CFAP54: variants seen among roughly 807,000 people sequenced by gnomAD.
CFAP54 encodes cilia- and flagella-associated protein 54.
Under a neutral mutation model 370.4 loss-of-function variants are expected in CFAP54, and 290 were observed. That is an observed-to-expected ratio of 0.78 (90% CI 0.71 to 0.86). The LOEUF (loss-of-function observed/expected upper bound fraction) is 0.86, where lower values mean the gene tolerates loss of function less well. Ranked by LOEUF, CFAP54 falls within the 40% of genes least tolerant of loss-of-function variation. The pLI is 0.00. For synonymous variants in CFAP54, 1,206 were observed against 1,236.5 expected (o/e 0.98, Z 0.52); for missense variants, 3,399 against 3,528.7 (o/e 0.96, Z 0.93).
intron 49 of CFAP54, among the ~76,000 whole-genome samples, chr12:96,719,668 CT>C (rs1163045704): frequency 6.6e-6 from 1 of 152,242 alleles, no homozygotes; most frequent in Non-Finnish European, 1.5e-5. Flanking sequence ...AAAATTTGAG[CT>C]GCTCAATGCA....
At chr12:96,727,055 T>A (rs1957850326) in intron 50 of CFAP54, among the ~76,000 whole-genome samples, 5 of 152,164 alleles carry the variant, frequency 3.3e-5, no homozygotes, top group Admixed American at 3.3e-4. Context: ...TTGTTATAAT[T>A]TCTGTTCTTT....
At chr12:96,644,923 C>T (rs954105741) in intron 33 of CFAP54, among the ~76,000 whole-genome samples, 2 of 152,138 alleles carry the variant, frequency 1.3e-5, no homozygotes, top group Non-Finnish European at 2.9e-5. Context: ...GTTTTAATCT[C>T]AGAATCTTTC....
intron 17 of CFAP54, among the ~76,000 whole-genome samples, chr12:96,562,842 C>T (rs1442821372): frequency 1.3e-5 from 2 of 152,024 alleles, no homozygotes; most frequent in African/African-American, 4.8e-5. Flanking sequence ...AACTACTTCT[C>T]CTATGACCTG....
At chr12:96,635,148 A>G (rs551769147) in intron 32 of CFAP54, among the ~76,000 whole-genome samples, 1 of 152,288 alleles carries the variant, frequency 6.6e-6, no homozygotes, top group South Asian at 2.1e-4. Context: ...ACCATTTCAT[A>G]TACATTTTAG....
At chr12:96,734,050 TTTG>T (rs34204511) in intron 50 of CFAP54, among the ~76,000 whole-genome samples, 5 of 151,702 alleles carry the variant, frequency 3.3e-5, no homozygotes, top group South Asian at 2.1e-4. Flanking sequence ...CCATGCTATG[TTTG>T]TTGTTGTTGT....
Position 96,776,885 on chromosome 12 carries a change from T to TA in CFAP54, c.8282-7826dup, listed in dbSNP as rs571438051. The stretch of plus-strand genomic sequence containing the variant: ...CATGTATACATTTTATTGGACAATA[T>TA]AAAAAATGTTAAAATATCACCACAA... On this transcript the variant is annotated intron_variant, in intron 60 of 67. Coordinates refer to ENST00000524981, the MANE Select transcript of CFAP54 (RefSeq NM_001306084.2). 1.6e-4 allele frequency among the ~76,000 whole-genome samples: 25 copies of TA among 152,330 alleles called. No homozygotes were observed. In the South Asian group the frequency reaches 5.0e-3, roughly 30 times the overall value.
intron 66 of CFAP54, among the ~76,000 whole-genome samples, chr12:96,836,871 A>G (rs1353886630): frequency 6.6e-6 from 1 of 152,186 alleles, no homozygotes; most frequent in African/African-American, 2.4e-5. Context: ...TCTGTCATCC[A>G]GACTATAGTG....
chr12:96,525,964 G>A (rs919307974), intron 8 of CFAP54, among the ~76,000 whole-genome samples: 36 of 152,206 alleles, frequency 2.4e-4, no homozygotes, highest in African/African-American at 8.2e-4. Context: ...GATTACAGGC[G>A]TGAGCCGCCG....
Position 96,533,904 on chromosome 12 carries a change from A to C in CFAP54, c.1470A>C (p.Lys490Asn). The change falls in exon 10 of 68, where the codon AAA becomes AAC. Residue 490 changes from lysine (K) to asparagine (N), a missense_variant. Coordinates refer to ENST00000524981, the MANE Select transcript of CFAP54 (RefSeq NM_001306084.2). ...TGGATGCTGCTGTGAAATTTATAAA[A>C]TTAGCTTTTACCTATGAGGAGTGGA... Reference protein sequence around the residue: ...ISVDAAVKFIKLAFTYEEWSL... With the variant: ...ISVDAAVKFINLAFTYEEWSL... 7.2e-6 allele frequency: 11 copies of C among 1,535,310 alleles called. No homozygotes were observed. The highest frequency in any genetic ancestry group is 9.6e-6 in the Non-Finnish European group (11 of 1,146,412).
Position 96,622,339 on chromosome 12 carries a change from C to CCTCTCT in CFAP54, c.3771+635_3771+640dup, listed in dbSNP as rs371334823. ...CCTGCCTGCCCGCCCGCCCTCCCTC[C>CCTCTCT]CTCTCTCTCTCTCTCTCTCTCTTTC... On this transcript the variant is annotated intron_variant, in intron 27 of 67. Coordinates refer to ENST00000524981, the MANE Select transcript of CFAP54 (RefSeq NM_001306084.2). 2.9e-3 allele frequency among the ~76,000 whole-genome samples: 398 copies of CCTCTCT among 137,396 alleles called. 3 individuals are homozygous for CCTCTCT. Among genetic ancestry groups the CCTCTCT allele is most frequent in the African/African-American group, 0.01 (369 of 36,610 alleles). 90.1% of individuals were successfully genotyped at this position (137,396 alleles called of 152,430 possible).
At position 96,729,871 on chromosome 12, in the gene CFAP54, G is replaced by C. The variant is rs78376940; in HGVS notation, c.6965+9306G>C. 7.1e-3 allele frequency among the ~76,000 whole-genome samples: 1,088 copies of C among 152,244 alleles called. 15 individuals are homozygous for C. The highest frequency in any genetic ancestry group is 0.025 in the African/African-American group (1,034 of 41,552). ...TCTTTAGAAGAGTTTTACTATGAAG[G>C]GGAGTAGAGAAAGAGGGTGACTGCA... is the stretch of plus-strand genomic sequence containing the variant. On this transcript the variant is annotated intron_variant, in intron 50 of 67. Coordinates refer to ENST00000524981, the MANE Select transcript of CFAP54 (RefSeq NM_001306084.2).
chr12:96,714,063 G>T (rs2136599535), intron 48 of CFAP54, among the ~76,000 whole-genome samples: 1 of 152,336 alleles, frequency 6.6e-6, no homozygotes, highest in Middle Eastern at 3.4e-3. Context: ...TTTCTGTATT[G>T]AGACTAGGTT....
In CFAP54 at chr12:96,811,678, T is replaced by C. The variant is rs572472932; in HGVS notation, c.8851-58T>C. The C allele has an allele frequency of 1.9e-4, 168 of 889,398 alleles. No individual in the cohort carries two copies. In the African/African-American group the frequency reaches 2.8e-3, roughly 15 times the overall value. 55.1% of individuals were successfully genotyped at this position (889,398 alleles called of 1,614,324 possible). A position where few individuals can be genotyped will look rare whatever the true frequency, so the allele number is the denominator to read the frequency against. On this transcript the variant is annotated intron_variant, in intron 63 of 67. Transcript: ENST00000524981. ...TATTTTGTGAACTAATGCTGTAGTT[T>C]TTGAGCTAAACTCTAATTTTGATGT...
intron 55 of CFAP54, among the ~76,000 whole-genome samples, chr12:96,751,399 C>T (rs1307020106): frequency 2.6e-5 from 4 of 151,988 alleles, no homozygotes; most frequent in Non-Finnish European, 4.4e-5. Context: ...GAAGACAATT[C>T]AAGTATTATT....
intron 50 of CFAP54, among the ~76,000 whole-genome samples, chr12:96,730,465 T>C (rs974305821): frequency 2.0e-5 from 3 of 151,988 alleles, no homozygotes; most frequent in African/African-American, 4.8e-5. Context: ...ATAGGAAGGA[T>C]AGAAGAGAAT....
intron 36 of CFAP54, 57 bp from the exon 37 acceptor site, chr12:96,657,825 A>C: frequency 1.6e-6 from 2 of 1,224,550 alleles, no homozygotes; most frequent in Non-Finnish European, 2.3e-6. Context: ...GTTTTCAGAA[A>C]AAATATGCAG....
At chr12:96,823,510 A>T (rs1186116728) in intron 65 of CFAP54, among the ~76,000 whole-genome samples, 1 of 152,192 alleles carries the variant, frequency 6.6e-6, no homozygotes, top group Non-Finnish European at 1.5e-5. Flanking sequence ...ATATTCAGGA[A>T]ACAATAAGAT....
At chr12:96,706,260 A>T (rs943246192) in intron 47 of CFAP54, among the ~76,000 whole-genome samples, 5 of 152,338 alleles carry the variant, frequency 3.3e-5, no homozygotes, top group African/African-American at 1.2e-4. Context: ...CTGTGGGAGA[A>T]AATAAATGCA....
At chr12:96,569,672 A>G (rs1459239515) in intron 19 of CFAP54, among the ~76,000 whole-genome samples, 1 of 152,066 alleles carries the variant, frequency 6.6e-6, no homozygotes, top group Non-Finnish European at 1.5e-5. Context: ...TCCAAATTCC[A>G]CTCTAAGCAA....
Sources: gnomAD v4.1 joint callset for allele counts (sites outside exome capture counted in the v4.1 genomes callset) on GRCh38, gnomAD v4.1.1 for gene constraint, MANE v1.5 for transcripts, NCBI Gene and HGNC (gene_info 2026-07-23, HGNC 2026-07-21) for gene names.